Variants in SOX5 observed in about 807,000 individuals in gnomAD.
SOX5 encodes transcription factor SOX-5.
In SOX5, 9 loss-of-function variants were observed where a neutral mutation model predicts 92.0. That is an observed-to-expected ratio of 0.10 (90% CI 0.06 to 0.17). The LOEUF (loss-of-function observed/expected upper bound fraction) is 0.17, where lower values mean the gene tolerates loss of function less well. SOX5 is among the 10% of genes least tolerant of loss of function. The probability of loss-of-function intolerance (pLI) is 1.00; values close to 1 mark genes in which losing one functional copy is unlikely to be tolerated. For missense variants in SOX5, 642 were observed against 944.5 expected (o/e 0.68, Z 4.20); for synonymous variants, 344 against 336.3 (o/e 1.02, Z -0.25).
At chr12:23,672,718 C>T (rs2084996829) in intron 6 of SOX5, among the ~76,000 whole-genome samples, 1 of 151,910 alleles carries the variant, frequency 6.6e-6, no homozygotes. Context: ...CTTTCAATGG[C>T]TCATTTCACT....
intron 4 of SOX5, among the ~76,000 whole-genome samples, chr12:24,180,378 T>C (rs1482243489): frequency 6.6e-6 from 1 of 152,196 alleles, no homozygotes; most frequent in Non-Finnish European, 1.5e-5. Context: ...ATTAAATGTC[T>C]CAACTAAATA....
intron 4 of SOX5, among the ~76,000 whole-genome samples, chr12:24,093,158 ACTAAT>A (rs1475219783): frequency 2.0e-5 from 3 of 152,240 alleles, no homozygotes; most frequent in Non-Finnish European, 4.4e-5. Context: ...TATCTGATGT[ACTAAT>A]CAATACTTTG....
At position 23,998,226 on chromosome 12, in the gene SOX5, A is replaced by G. The variant is rs147072495; in HGVS notation, c.-1-102202T>C. Among the ~76,000 whole-genome samples the G allele has an allele frequency of 4.8e-3, 731 of 152,298 alleles. 7 individuals are homozygous for G. The highest frequency in any genetic ancestry group is 6.0e-3 in the Non-Finnish European group (408 of 68,010). On this transcript the variant is annotated intron_variant, in intron 4 of 4. Transcript: ENST00000446891. ...ATGTGATGGCAATGATTGATCAAAC[A>G]TACATCAATACAAAGATAAAATTAC... is the stretch of plus-strand genomic sequence containing the variant.
chr12:23,882,925 T>C (rs1226652478), intron 2 of SOX5, among the ~76,000 whole-genome samples: 2 of 152,148 alleles, frequency 1.3e-5, no homozygotes, highest in African/African-American at 4.8e-5. Context: ...CTCACGTCTG[T>C]AATCCCAGCA....
chr12:23,596,001 G>A (rs1365644262), intron 9 of SOX5, among the ~76,000 whole-genome samples: 1 of 152,190 alleles, frequency 6.6e-6, no homozygotes, highest in Non-Finnish European at 1.5e-5. Flanking sequence ...GATATTGCGA[G>A]ACTCTAGGCA....
At chr12:24,530,117 T>A (rs1312768540) in intron 1 of SOX5, among the ~76,000 whole-genome samples, 2 of 149,078 alleles carry the variant, frequency 1.3e-5, no homozygotes, top group Non-Finnish European at 3.0e-5. Context: ...CAAAAATAAC[T>A]ACAAATCTAG....
intron 4 of SOX5, among the ~76,000 whole-genome samples, chr12:24,056,999 CA>C (rs970411660): frequency 5.5e-5 from 6 of 109,078 alleles, no homozygotes; most frequent in Admixed American, 9.1e-5. Flanking sequence ...AAAAATTCAA[CA>C]AAAAAAAAGA....
At chr12:24,198,601 G>A (rs929344619) in intron 4 of SOX5, among the ~76,000 whole-genome samples, 1 of 152,076 alleles carries the variant, frequency 6.6e-6, no homozygotes, top group African/African-American at 2.4e-5. Context: ...AACCCTCTTC[G>A]TTCCACAGAC....
intron 3 of SOX5, among the ~76,000 whole-genome samples, chr12:23,824,199 C>T (rs1044326001): frequency 6.6e-6 from 1 of 152,182 alleles, no homozygotes; most frequent in African/African-American, 2.4e-5. Context: ...AAGAGCCATT[C>T]TGGTTTTTGG....
intron 4 of SOX5, among the ~76,000 whole-genome samples, chr12:24,119,169 C>T (rs1221156908): frequency 6.6e-6 from 1 of 152,076 alleles, no homozygotes; most frequent in Non-Finnish European, 1.5e-5. Context: ...AATATTCTCT[C>T]AGGAACTATT....
chr12:24,175,020 C>T (rs1341940764), intron 4 of SOX5, among the ~76,000 whole-genome samples: 1 of 152,208 alleles, frequency 6.6e-6, no homozygotes, highest in African/African-American at 2.4e-5. Flanking sequence ...TGAGGCATCC[C>T]TTCACAGGGC....
Position 24,561,137 on chromosome 12 carries a change from G to A in SOX5, c.-251+1192C>T, listed in dbSNP as rs932052634. ...CTATCTGGGTATGTGAGGATCTCAA[G>A]TGGGTTCCAGCAAATCCCTAAACTT... On this transcript the variant is annotated intron_variant, in intron 1 of 4. Coordinates refer to the SOX5 transcript ENST00000446891. Among the ~76,000 whole-genome samples, 4 of 152,210 alleles carry A rather than the reference G, an allele frequency of 2.6e-5. 1 individual carries two copies. The highest frequency in any genetic ancestry group is 5.9e-5 in the Non-Finnish European group (4 of 68,048).
At chr12:24,140,771 G>A (rs533591985) in intron 4 of SOX5, among the ~76,000 whole-genome samples, 1 of 152,180 alleles carries the variant, frequency 6.6e-6, no homozygotes, top group South Asian at 2.1e-4. Context: ...TAGAAAGTCA[G>A]AATAACTATT....
chr12:23,657,269 T>C (rs1446533399), intron 7 of SOX5, among the ~76,000 whole-genome samples: 2 of 152,254 alleles, frequency 1.3e-5, no homozygotes, highest in African/African-American at 4.8e-5. Flanking sequence ...GCTTAGATTA[T>C]TACGGAAGTA....
intron 3 of SOX5, among the ~76,000 whole-genome samples, chr12:23,770,051 T>G (rs575052268): frequency 6.8e-6 from 1 of 148,144 alleles, no homozygotes; most frequent in East Asian, 2.0e-4. Flanking sequence ...TCCCTCTGTT[T>G]TTTTTTTTTT....
intron 4 of SOX5, among the ~76,000 whole-genome samples, chr12:24,003,237 G>C (rs1951796552): frequency 6.6e-6 from 1 of 152,032 alleles, no homozygotes; most frequent in Admixed American, 6.6e-5. Context: ...TTTCCCCTAA[G>C]ATCAGGAACA....
chr12:23,970,436 G>A (rs1228403201), intron 4 of SOX5, among the ~76,000 whole-genome samples: 1 of 151,798 alleles, frequency 6.6e-6, no homozygotes, highest in Non-Finnish European at 1.5e-5. Context: ...AACCATTAAG[G>A]AATAACACCC....
chr12:24,299,323 T>C (rs778935799), intron 2 of SOX5, among the ~76,000 whole-genome samples: 20 of 152,166 alleles, frequency 1.3e-4, no homozygotes, highest in Non-Finnish European at 5.9e-5. Flanking sequence ...ATGTTACGTG[T>C]CAGAATAAAT....
At chr12:24,188,261 A>T (rs1360412173) in intron 4 of SOX5, among the ~76,000 whole-genome samples, 1 of 152,172 alleles carries the variant, frequency 6.6e-6, no homozygotes, top group Non-Finnish European at 1.5e-5. Flanking sequence ...GGAAAAGCAA[A>T]GTTTTGGAAA....
Sources: allele counts gnomAD v4.1 joint callset (sites outside exome capture counted in the v4.1 genomes callset), GRCh38; gene constraint gnomAD v4.1.1; transcripts MANE v1.5; gene names NCBI Gene and HGNC (gene_info 2026-07-23, HGNC 2026-07-21).